The following ATP10D variants were observed in gnomAD, a reference collection of about 807,000 sequenced individuals.
The protein encoded by ATP10D is ATPase phospholipid transporting 10D (putative), also known as phospholipid-transporting ATPase VD.
In ATP10D, 89 loss-of-function variants were observed where a neutral mutation model predicts 144.8. The ratio of observed to expected loss-of-function variants is 0.61; its 90% CI spans 0.52 to 0.73. The LOEUF is 0.73. Ranked by LOEUF, ATP10D falls within the 30% of genes least tolerant of loss-of-function variation. ATP10D has a pLI of 0.00. For synonymous variants in ATP10D, 571 were observed against 615.1 expected, an observed-to-expected ratio of 0.93 and a Z score of 1.06; for missense variants, 1,603 against 1,714.8, an observed-to-expected ratio of 0.93 and a Z score of 1.15.
At chr4:47,545,654 C>T (rs1178332349) in intron 9 of ATP10D, among the ~76,000 whole-genome samples, 1 of 152,162 alleles carries the variant, frequency 6.6e-6, no homozygotes, top group African/African-American at 2.4e-5. Context: ...CTGTGTAAGT[C>T]GTTAAGTTTG....
chr4:47,536,505 A>G lies in ATP10D; in HGVS notation c.1084A>G (p.Ile362Val). 1.2e-6 allele frequency: 2 copies of G among 1,613,738 alleles called. No homozygotes were observed. Among genetic ancestry groups the G allele is most frequent in the Non-Finnish European group, 1.7e-6 (2 of 1,179,692 alleles). Reference protein sequence around the residue: ...FFNVPEPDGHIISPLLAGFYM... With the variant: ...FFNVPEPDGHVISPLLAGFYM... ...CAATGTTCCCGAGCCTGATGGACATATCATATCACCACTGTTGGCAGGATT... is the reference window on the plus strand; with the variant it reads ...CAATGTTCCCGAGCCTGATGGACATGTCATATCACCACTGTTGGCAGGATT... Residue 362 changes from isoleucine to valine, a missense_variant, in exon 8 of 23, where the codon ATC (isoleucine) becomes GTC (valine). Transcript: ENST00000273859.
rs761798082 is a variant in ATP10D, at chr4:47,582,020, C to G, written c.3709C>G (p.Leu1237Val). ...AFGNPLNTAA[L>V]FIVLLHLVIE... ...TGGAAACCCCCTGAACACAGCCGCT[C>G]TGTTCATCGTTCTCCTCCATCTGGT... The change falls in exon 21 of 23, where the codon CTG becomes GTG. Residue 1237 changes from leucine (L) to valine (V), a missense_variant. Physicochemically the swap from Leu to Val is conservative, Grantham distance 32 (BLOSUM62 1). Transcript: ENST00000273859. The G allele has an allele frequency of 2.5e-6, 4 of 1,614,104 alleles. No homozygotes were observed. Among genetic ancestry groups the G allele is most frequent in the Middle Eastern group, 1.6e-4 (1 of 6,062 alleles).
At chr4:47,582,734 T>C (rs1040905318) in intron 21 of ATP10D, 3 of 152,188 alleles carry the variant, frequency 2.0e-5, no homozygotes, top group Non-Finnish European at 4.4e-5. Flanking sequence ...AAATGTTATT[T>C]TAAATTTCAT....
intron 15 of ATP10D, among the ~76,000 whole-genome samples, chr4:47,567,881 A>C (rs1388233834): frequency 6.6e-6 from 1 of 152,240 alleles, no homozygotes; most frequent in Non-Finnish European, 1.5e-5. Flanking sequence ...TTTAAAATCA[A>C]AGCAAACAAG....
intron 1 of ATP10D, among the ~76,000 whole-genome samples, chr4:47,494,158 T>TA (rs546340737): frequency 6.6e-6 from 1 of 152,084 alleles, no homozygotes; most frequent in Non-Finnish European, 1.5e-5. Flanking sequence ...AGATTCCCTT[T>TA]AAAAAAACAG....
At chr4:47,558,842 A>G in intron 12 of ATP10D, 81 bp from the exon 13 acceptor site, 2 of 1,169,652 alleles carry the variant, frequency 1.7e-6, no homozygotes, top group Admixed American at 2.2e-5. Context: ...TTTAGTGTGG[A>G]TAAAACTACT....
At chr4:47,489,253 A>G (rs920914680) in intron 1 of ATP10D, among the ~76,000 whole-genome samples, 1 of 152,198 alleles carries the variant, frequency 6.6e-6, no homozygotes, top group Non-Finnish European at 1.5e-5. Flanking sequence ...ACATTAACAA[A>G]CGTGGACAAC....
chr4:47,497,010 T>A (rs1371271950), intron 1 of ATP10D, among the ~76,000 whole-genome samples: 1 of 152,060 alleles, frequency 6.6e-6, no homozygotes, highest in Non-Finnish European at 1.5e-5. Context: ...ACTGGCTAAT[T>A]TTTGTATTTT....
At chr4:47,569,696 A>G (rs1719845052) in intron 16 of ATP10D, among the ~76,000 whole-genome samples, 1 of 152,236 alleles carries the variant, frequency 6.6e-6, no homozygotes, top group Non-Finnish European at 1.5e-5. Context: ...GTACTATTGA[A>G]AAAATAAAGT....
intron 1 of ATP10D, among the ~76,000 whole-genome samples, chr4:47,510,845 A>G (rs1448308339): frequency 6.6e-6 from 1 of 152,240 alleles, no homozygotes; most frequent in Non-Finnish European, 1.5e-5. Flanking sequence ...TGGCAAGTGA[A>G]TGCTTCCTTT....
intron 3 of ATP10D, among the ~76,000 whole-genome samples, chr4:47,522,641 C>T (rs1222965921): frequency 6.6e-6 from 1 of 152,196 alleles, no homozygotes; most frequent in Non-Finnish European, 1.5e-5. Context: ...GTGATCTAGG[C>T]TCACTGGAGC....
At position 47,535,882 on chromosome 4, in the gene ATP10D, A is replaced by C. The variant is rs753236225; in HGVS notation, c.884-20A>C. 3 of 1,604,788 alleles carry C rather than the reference A, an allele frequency of 1.9e-6. No homozygotes were observed. The highest frequency in any genetic ancestry group is 2.5e-6 in the Non-Finnish European group (3 of 1,176,862). On this transcript the variant is annotated intron_variant, in intron 6 of 22. Coordinates refer to ENST00000273859, the MANE Select transcript of ATP10D (RefSeq NM_020453.4). ...GGCTTTAATTTGTACATTTTCTATC[A>C]TACTGCACATCCTTCATAGGCCATG...
chr4:47,551,495 G>C (rs1718731666), intron 10 of ATP10D, among the ~76,000 whole-genome samples: 1 of 152,216 alleles, frequency 6.6e-6, no homozygotes, highest in Non-Finnish European at 1.5e-5. Flanking sequence ...TCCAAAGAGT[G>C]ACATCTTTTT....
intron 1 of ATP10D, among the ~76,000 whole-genome samples, chr4:47,487,079 A>T (rs1414893988): frequency 6.6e-6 from 1 of 151,980 alleles, no homozygotes; most frequent in Non-Finnish European, 1.5e-5. Flanking sequence ...AAAATACAAA[A>T]TTGGCTGGGC....
intron 22 of ATP10D, 51 bp from the exon 23 acceptor site, chr4:47,590,991 T>C (rs1316781): frequency 0.47 from 566,297 of 1,212,544 alleles, 141,172 homozygotes; most frequent in African/African-American, 0.7. Flanking sequence ...GGGGGGGTTC[T>C]GTAATGCATT....
At chr4:47,510,469 T>C (rs2109398527) in intron 1 of ATP10D, among the ~76,000 whole-genome samples, 1 of 152,288 alleles carries the variant, frequency 6.6e-6, no homozygotes, top group Non-Finnish European at 1.5e-5. Context: ...TATTGAAAAG[T>C]CCTAAAGAGA....
intron 1 of ATP10D, among the ~76,000 whole-genome samples, chr4:47,497,889 T>C (rs892729321): frequency 2.6e-5 from 4 of 152,242 alleles, no homozygotes; most frequent in Non-Finnish European, 4.4e-5. Flanking sequence ...TTTCTGGCTT[T>C]AACATTCTGA....
At chr4:47,545,133 T>C (rs1199345441) in intron 9 of ATP10D, among the ~76,000 whole-genome samples, 1 of 152,090 alleles carries the variant, frequency 6.6e-6, no homozygotes, top group African/African-American at 2.4e-5. Flanking sequence ...TGAAATTCCG[T>C]AGGAAAGGCT....
rs201043225 is a variant in ATP10D, at chr4:47,563,648, G to C, written c.2736G>C (p.Ala912=). The C allele has an allele frequency of 6.2e-7, 1 of 1,613,878 alleles. No homozygotes were observed. The change falls in exon 15 of 23, where the codon GCG becomes GCC. Residue 912 remains alanine, a synonymous_variant. Coordinates refer to ENST00000273859, the MANE Select transcript of ATP10D (RefSeq NM_020453.4). ...VPESIEALHK[A]GIKIWMLTGD... ...AATCTATAGAAGCTCTTCACAAAGCGGGCATCAAGATCTGGATGCTGACAG... is the reference window on the plus strand; with the variant it reads ...AATCTATAGAAGCTCTTCACAAAGCCGGCATCAAGATCTGGATGCTGACAG...
Sources: allele counts gnomAD v4.1 joint callset (sites outside exome capture counted in the v4.1 genomes callset), GRCh38; gene constraint gnomAD v4.1.1; transcripts MANE v1.5; gene names NCBI Gene and HGNC (gene_info 2026-07-23, HGNC 2026-07-21).